CCSER1: variants seen among roughly 807,000 people sequenced by gnomAD.
CCSER1 encodes coiled-coil serine rich protein 1, also known as serine-rich coiled-coil domain-containing protein 1.
A neutral mutation model predicts 82.0 loss-of-function variants in CCSER1; 41 were observed. The ratio of observed to expected loss-of-function variants is 0.50; its 90% confidence interval spans 0.39 to 0.65. The LOEUF is 0.65. Ranked by LOEUF, CCSER1 falls within the 30% of genes least tolerant of loss-of-function variation. The pLI is 0.00. For missense variants in CCSER1, 1,119 were observed against 1,064.2 expected (o/e 1.05, Z -0.72); for synonymous variants, 414 against 383.9 (o/e 1.08, Z -0.92).
chr4:90,482,690 G>A (rs1766248401), intron 5 of CCSER1, among the ~76,000 whole-genome samples: 2 of 152,194 alleles, frequency 1.3e-5, no homozygotes, highest in South Asian at 4.1e-4. Flanking sequence ...TTTTGAGTGA[G>A]TTTCTTAATC....
In CCSER1 at chr4:91,096,597, C is replaced by G. The variant is rs1473851953; in HGVS notation, c.2217+10603C>G. On this transcript the variant is annotated intron_variant, in intron 10 of 10. Coordinates refer to ENST00000509176, the MANE Select transcript of CCSER1 (RefSeq NM_001145065.2). ...ACCAGAGACCTGTCCAGGCTTCCTT[C>G]TGATGGCTAACTTACCTCTAATTCG... Among the ~76,000 whole-genome samples the G allele has an allele frequency of 3.9e-5, 6 of 152,194 alleles. 1 individual carries two copies. The highest frequency in any genetic ancestry group is 2.0e-4 in the Admixed American group (3 of 15,274).
chr4:90,423,837 C>T (rs1757099780), intron 4 of CCSER1, among the ~76,000 whole-genome samples: 1 of 150,966 alleles, frequency 6.6e-6, no homozygotes. Context: ...GGCGTGGTGG[C>T]TCACGCCTGT....
intron 9 of CCSER1, among the ~76,000 whole-genome samples, chr4:91,080,089 T>C (rs1722533673): frequency 1.3e-5 from 2 of 152,144 alleles, no homozygotes; most frequent in Non-Finnish European, 2.9e-5. Context: ...TACAGAACTC[T>C]CCACCCCAAA....
chr4:91,183,328 A>ACTTTACTTTTTGAGCCAGAATAAGAAG lies in CCSER1; in HGVS notation c.2217+97341_2217+97367dup, dbSNP rs538753676. Among the ~76,000 whole-genome samples, 255 of 152,286 alleles carry ACTTTACTTTTTGAGCCAGAATAAGAAG rather than the reference A, an allele frequency of 1.7e-3. 2 individuals carry two copies. The highest frequency in any genetic ancestry group is 6.0e-3 in the African/African-American group (249 of 41,566). On this transcript the variant is annotated intron_variant, in intron 10 of 10. Transcript: ENST00000509176. ...AGCTGAAGGATAGGACGTCTGGAAA[A>ACTTTACTTTTTGAGCCAGAATAAGAAG]CTTTACTTTTTGAGCCAGAATAAGA...
chr4:91,032,080 A>T (rs1449726901), intron 9 of CCSER1, among the ~76,000 whole-genome samples: 2 of 152,092 alleles, frequency 1.3e-5, no homozygotes, highest in East Asian at 3.9e-4. Flanking sequence ...AGTATTTGTT[A>T]AAGAACAATT....
intron 10 of CCSER1, among the ~76,000 whole-genome samples, chr4:91,365,963 C>G (rs1268419812): frequency 6.6e-6 from 1 of 152,188 alleles, no homozygotes; most frequent in Non-Finnish European, 1.5e-5. Context: ...TATGCATCAC[C>G]TATCTCAACA....
intron 8 of CCSER1, among the ~76,000 whole-genome samples, chr4:90,917,612 T>A (rs544147111): frequency 6.6e-6 from 1 of 152,128 alleles, no homozygotes; most frequent in Admixed American, 6.6e-5. Context: ...TGTATACATA[T>A]GTAACAAACC....
chr4:90,921,601 C>G (rs1728388806), intron 8 of CCSER1, among the ~76,000 whole-genome samples: 1 of 151,798 alleles, frequency 6.6e-6, no homozygotes, highest in Admixed American at 6.6e-5. Flanking sequence ...TTTTCTAAGT[C>G]TTATAACTCA....
At chr4:90,839,611 C>T (rs6843345) in intron 8 of CCSER1, among the ~76,000 whole-genome samples, 2,659 of 152,174 alleles carry the variant, frequency 0.017, 29 homozygotes, top group Middle Eastern at 0.058. Context: ...GAGGGAGGAG[C>T]AAGAAGAGAA....
intron 4 of CCSER1, among the ~76,000 whole-genome samples, chr4:90,445,262 T>TAA: frequency 6.6e-6 from 1 of 152,092 alleles, no homozygotes; most frequent in South Asian, 2.1e-4. Context: ...CTATAACACA[T>TAA]TATTTCTCAT....
At position 91,050,671 on chromosome 4, in the gene CCSER1, A is replaced by G. The variant is rs1742930841; in HGVS notation, c.2173-35279A>G. 5.9e-5 allele frequency among the ~76,000 whole-genome samples: 9 copies of G among 152,172 alleles called. No homozygotes were observed. The South Asian group carries it at 1.9e-3, about 31-fold the overall frequency. On this transcript the variant is annotated intron_variant, in intron 9 of 10. Coordinates refer to ENST00000509176, the MANE Select transcript of CCSER1 (RefSeq NM_001145065.2). ...GTCTTGTTTCAACTAGTCGAGCAGG[A>G]GCAGTTGCTTCCTTTGGAAGGAAGC...
At chr4:90,156,894 G>A (rs1728322973) in intron 1 of CCSER1, among the ~76,000 whole-genome samples, 1 of 152,168 alleles carries the variant, frequency 6.6e-6, no homozygotes, top group South Asian at 2.1e-4. Context: ...ATATTGTTAT[G>A]TGTGAATTCG....
intron 9 of CCSER1, among the ~76,000 whole-genome samples, chr4:90,932,938 G>GA (rs1272917641): frequency 3.5e-5 from 1 of 28,262 alleles, no homozygotes; most frequent in East Asian, 6.2e-4. Flanking sequence ...AAGAAAGAAA[G>GA]AAAGAAAGAA....
chr4:90,210,712 TG>T (rs1739819249), intron 1 of CCSER1, among the ~76,000 whole-genome samples: 1 of 152,168 alleles, frequency 6.6e-6, no homozygotes, highest in Non-Finnish European at 1.5e-5. Flanking sequence ...CCCAAAGTGC[TG>T]GGATTATGGG....
At chr4:90,617,647 T>C (rs1721534831) in intron 5 of CCSER1, among the ~76,000 whole-genome samples, 1 of 152,284 alleles carries the variant, frequency 6.6e-6, no homozygotes, top group East Asian at 1.9e-4. Context: ...TCTAACCTTA[T>C]GATTTATAGC....
chr4:91,350,205 C>A (rs1748378140), intron 10 of CCSER1, among the ~76,000 whole-genome samples: 2 of 152,036 alleles, frequency 1.3e-5, no homozygotes. Flanking sequence ...CTTAACATTT[C>A]TGTATTAAAT....
At chr4:90,397,220 C>T (rs1000736589) in intron 3 of CCSER1, among the ~76,000 whole-genome samples, 1 of 152,096 alleles carries the variant, frequency 6.6e-6, no homozygotes, top group Non-Finnish European at 1.5e-5. Flanking sequence ...GCAAATGGAA[C>T]CCTGCTAGTC....
intron 5 of CCSER1, among the ~76,000 whole-genome samples, chr4:90,593,463 A>T (rs2148706143): frequency 6.6e-6 from 1 of 152,234 alleles, no homozygotes; most frequent in Middle Eastern, 3.4e-3. Flanking sequence ...CTGTTACAGA[A>T]TTTTTGGGGG....
At chr4:91,390,027 T>C (rs2149348481) in intron 10 of CCSER1, among the ~76,000 whole-genome samples, 1 of 152,104 alleles carries the variant, frequency 6.6e-6, no homozygotes, top group East Asian at 1.9e-4. Context: ...ACAAAGACAG[T>C]TTTATTTCTT....
Sources: allele counts gnomAD v4.1 joint callset (sites outside exome capture counted in the v4.1 genomes callset), GRCh38; gene constraint gnomAD v4.1.1; transcripts MANE v1.5; gene names NCBI Gene and HGNC (gene_info 2026-07-23, HGNC 2026-07-21).